Variants in PDE11A observed in about 807,000 individuals in gnomAD.
PDE11A encodes the protein dual 3',5'-cyclic-AMP and -GMP phosphodiesterase 11A.
Under a neutral mutation model 100.5 loss-of-function variants are expected in PDE11A, and 100 were observed. That is an observed-to-expected ratio of 1.00 (90% CI 0.85 to 1.18). The LOEUF (loss-of-function observed/expected upper bound fraction) is 1.18. PDE11A is among the 50% of genes most tolerant of loss of function. The probability of loss-of-function intolerance (pLI) is 0.00; values close to 1 mark genes in which losing one functional copy is unlikely to be tolerated. For missense variants in PDE11A, 1,141 were observed against 1,152.6 expected, an observed-to-expected ratio of 0.99 and a Z score of 0.15; for synonymous variants, 381 against 420.8, an observed-to-expected ratio of 0.91 and a Z score of 1.16.
intron 1 of PDE11A, among the ~76,000 whole-genome samples, chr2:178,015,028 T>C (rs2105827835): frequency 6.6e-6 from 1 of 152,282 alleles, no homozygotes; most frequent in Admixed American, 6.5e-5. Context: ...CAACTACCTA[T>C]ATAATTATGT....
At chr2:177,867,565 T>G (rs1289610547) in intron 5 of PDE11A, among the ~76,000 whole-genome samples, 1 of 151,954 alleles carries the variant, frequency 6.6e-6, no homozygotes, top group African/African-American at 2.4e-5. Flanking sequence ...CCATCTCTAC[T>G]AAAAATACAA....
chr2:177,656,829 A>G (rs982915520), intron 19 of PDE11A, among the ~76,000 whole-genome samples: 1 of 152,222 alleles, frequency 6.6e-6, no homozygotes, highest in African/African-American at 2.4e-5. Context: ...GCGAGGAGGC[A>G]TAGGCAGAGG....
chr2:178,104,723 A>G (rs1198292542), intron 1 of PDE11A, among the ~76,000 whole-genome samples: 1 of 152,228 alleles, frequency 6.6e-6, no homozygotes, highest in Non-Finnish European at 1.5e-5. Context: ...AGCCATAGCT[A>G]CTTCAGAAAC....
chr2:177,669,400 T>C (rs183315614), intron 18 of PDE11A, 93 bp downstream of exon 18: 2 of 754,734 alleles, frequency 2.6e-6, no homozygotes, highest in East Asian at 4.9e-5. Flanking sequence ...AAACCCATTT[T>C]CAGTCTTTCC....
At chr2:177,702,196 C>T (rs10192225) in intron 13 of PDE11A, among the ~76,000 whole-genome samples, 13,043 of 151,854 alleles carry the variant, frequency 0.086, 1,864 homozygotes, top group African/African-American at 0.29. Context: ...TTCTGCAAAG[C>T]GTTCATTACT....
At chr2:177,827,914 A>C (rs1295646339) in intron 6 of PDE11A, among the ~76,000 whole-genome samples, 1 of 152,248 alleles carries the variant, frequency 6.6e-6, no homozygotes, top group African/African-American at 2.4e-5. Flanking sequence ...AATAAATCCC[A>C]AGAAACAGAG....
In PDE11A at chr2:177,853,676, ATATATGTG is replaced by A. The variant is rs1312211643; in HGVS notation, c.1368-13301_1368-13294del. On this transcript the variant is annotated intron_variant, in intron 5 of 19. Transcript: ENST00000286063. ...TATATATATATATATATATATATATATATATGTGTGTGTGTGTGTGTGTGTGTGTGTGT... is the reference window on the plus strand; with the variant it reads ...TATATATATATATATATATATATATATGTGTGTGTGTGTGTGTGTGTGTGT... Among the ~76,000 whole-genome samples the A allele has an allele frequency of 4.4e-4, 16 of 36,192 alleles. 1 individual carries two copies. Among genetic ancestry groups the A allele is most frequent in the African/African-American group, 1.3e-3 (14 of 10,522 alleles). 23.7% of individuals were successfully genotyped at this position (36,192 alleles called of 152,430 possible).
At chr2:178,073,635 T>C (rs1165357971), upstream of PDE11A, among the ~76,000 whole-genome samples, 1 of 152,208 alleles carries the variant, frequency 6.6e-6, no homozygotes, top group Non-Finnish European at 1.5e-5. Context: ...TAAAAAGTGC[T>C]CAGTAAATGT....
rs193218583 is a variant in PDE11A, at chr2:178,032,727, G to A, written c.913-18267C>T. On this transcript the variant is annotated intron_variant, in intron 1 of 19. Coordinates refer to ENST00000286063, the MANE Select transcript of PDE11A (RefSeq NM_016953.4). ...AGCAGGCAGCAGTCTTTGCTGTTCT[G>A]CAGCCTCCACTGATGATACCCAGGC... Among the ~76,000 whole-genome samples, 31 of 152,308 alleles carry A rather than the reference G, an allele frequency of 2.0e-4. No individual in the cohort carries two copies. In the East Asian group the frequency reaches 5.0e-3, roughly 25 times the overall value.
intron 11 of PDE11A, 60 bp from the exon 12 acceptor site, chr2:177,727,825 C>G (rs1171507803): frequency 9.4e-6 from 10 of 1,064,520 alleles, no homozygotes; most frequent in Non-Finnish European, 1.5e-5. Flanking sequence ...GGACCCTTAT[C>G]TCAATGGTGC....
At chr2:177,841,508 C>T (rs2105626052) in intron 5 of PDE11A, among the ~76,000 whole-genome samples, 1 of 152,274 alleles carries the variant, frequency 6.6e-6, no homozygotes, top group African/African-American at 2.4e-5. Flanking sequence ...TAAATGTGCA[C>T]ATCGTCTTTG....
chr2:178,059,197 C>A (rs2086936425), intron 1 of PDE11A, among the ~76,000 whole-genome samples: 1 of 152,200 alleles, frequency 6.6e-6, no homozygotes, highest in South Asian at 2.1e-4. Flanking sequence ...CTATTCAGGG[C>A]TGCAACAGGG....
At chr2:178,067,599 G>C (rs2087064860) in intron 1 of PDE11A, among the ~76,000 whole-genome samples, 1 of 152,104 alleles carries the variant, frequency 6.6e-6, no homozygotes, top group South Asian at 2.1e-4. Flanking sequence ...TTTATAGCTG[G>C]AATGGTGCCT....
intron 5 of PDE11A, among the ~76,000 whole-genome samples, chr2:177,866,237 T>C (rs542816095): frequency 6.6e-6 from 1 of 152,264 alleles, no homozygotes; most frequent in South Asian, 2.1e-4. Flanking sequence ...TCTCCACGCC[T>C]CTGGGTCCAA....
chr2:177,739,266 G>A (rs370683688), intron 10 of PDE11A, among the ~76,000 whole-genome samples: 2 of 152,132 alleles, frequency 1.3e-5, no homozygotes, highest in African/African-American at 2.4e-5. Flanking sequence ...GCACTCCACC[G>A]TGCAGCAAAG....
intron 8 of PDE11A, 60 bp downstream of exon 8, chr2:177,817,798 G>T: frequency 1.3e-6 from 1 of 795,902 alleles, no homozygotes; most frequent in South Asian, 1.4e-5. Flanking sequence ...TCAAATTTGG[G>T]CAAGCTGCAA....
chr2:177,745,172 C>T (rs1305435967), intron 10 of PDE11A, among the ~76,000 whole-genome samples: 1 of 152,052 alleles, frequency 6.6e-6, no homozygotes. Context: ...CTATAGAAGA[C>T]CATGTCACAA....
At chr2:177,751,214 T>C (rs1221017364) in intron 10 of PDE11A, among the ~76,000 whole-genome samples, 1 of 152,130 alleles carries the variant, frequency 6.6e-6, no homozygotes, top group African/African-American at 2.4e-5. Context: ...CTCACTGATC[T>C]TGGAGTTTTA....
At position 177,628,999 on chromosome 2, in the gene PDE11A, G is replaced by A. The variant is rs1004584053; in HGVS notation, c.*408C>T. 20 of 210,994 alleles carry A rather than the reference G, an allele frequency of 9.5e-5. No homozygotes were observed. The highest frequency in any genetic ancestry group is 2.6e-4 in the Admixed American group (5 of 19,070). 13.1% of individuals were successfully genotyped at this position (210,994 alleles called of 1,614,324 possible). ...CATTCAGGGACAGGAAGCAAAGACA[G>A]GCAGTGTTTGGCTTGTAACAAACAG... On this transcript the variant is annotated 3_prime_UTR_variant, in exon 20 of 20. Coordinates refer to ENST00000286063, the MANE Select transcript of PDE11A (RefSeq NM_016953.4).
Sources: allele counts gnomAD v4.1 joint callset (sites outside exome capture counted in the v4.1 genomes callset), GRCh38; gene constraint gnomAD v4.1.1; transcripts MANE v1.5; gene names NCBI Gene and HGNC (gene_info 2026-07-23, HGNC 2026-07-21).